Variants in DARS2 observed in about 807,000 individuals in gnomAD.
The protein encoded by DARS2 is aspartate--tRNA ligase, mitochondrial.
DARS2 carries 63 observed loss-of-function variants against 83.0 expected under a neutral mutation model. That is an observed-to-expected ratio of 0.76 (90% CI 0.62 to 0.94). The LOEUF (loss-of-function observed/expected upper bound fraction) is 0.94. Ranked by LOEUF, DARS2 falls within the 40% of genes least tolerant of loss-of-function variation. The pLI, the probability that DARS2 is intolerant of heterozygous loss-of-function variation, is 0.00. For missense variants in DARS2, 675 were observed against 774.4 expected, an observed-to-expected ratio of 0.87 and a Z score of 1.52; for synonymous variants, 250 against 269.3, an observed-to-expected ratio of 0.93 and a Z score of 0.70.
intron 10 of DARS2, 85 bp downstream of exon 10, chr1:173,839,631 CA>C: frequency 3.1e-6 from 4 of 1,285,872 alleles, no homozygotes; most frequent in Non-Finnish European, 4.5e-6. Context: ...AAGTGTTACA[CA>C]CTGTTAGATG....
chr1:173,830,110 GATAAA>G (rs1313027955), intron 3 of DARS2, among the ~76,000 whole-genome samples: 5 of 151,992 alleles, frequency 3.3e-5, no homozygotes, highest in South Asian at 2.1e-4. Flanking sequence ...TAAAGAATTA[GATAAA>G]ATAAAGAACT....
Position 173,850,511 on chromosome 1 carries a change from G to A in DARS2, c.1344+32G>A, listed in dbSNP as rs188278786. The A allele has an allele frequency of 1.9e-6, 3 of 1,603,326 alleles. 1 individual carries two copies. The highest frequency in any genetic ancestry group is 2.2e-5 in the South Asian group (2 of 90,148). ...AAAATTACTTCCAAGCATCAGTGCT[G>A]TTGATGCTGAACAATGCCTTACTCT... is the stretch of plus-strand genomic sequence containing the variant. On this transcript the variant is annotated intron_variant, in intron 13 of 16. Coordinates refer to ENST00000649689, the MANE Select transcript of DARS2 (RefSeq NM_018122.5).
rs930388919 is a variant in DARS2, at chr1:173,837,047, G to A, written c.770+1G>A. The A allele has an allele frequency of 6.2e-7, 1 of 1,612,762 alleles. No individual in the cohort carries two copies. Among genetic ancestry groups the A allele is most frequent in the Non-Finnish European group, 8.5e-7 (1 of 1,178,890 alleles). ...TTCTGATGGTTGGCGGTTTAGACAG[G>A]TGAGCTTTTTTTATGCTAGCAGTTG... On this transcript the variant is annotated splice_donor_variant, in intron 8 of 16. Transcript: ENST00000649689. LOFTEE classifies it high-confidence loss of function.
At chr1:173,856,540 A>T in intron 15 of DARS2, 126 bp from the exon 16 acceptor site, 1 of 780,834 alleles carries the variant, frequency 1.3e-6, no homozygotes, top group South Asian at 1.6e-5. Context: ...AACTTTTATT[A>T]TTGGTTAAGT....
At chr1:173,834,222 G>C (rs1443330655) in intron 6 of DARS2, among the ~76,000 whole-genome samples, 2 of 152,154 alleles carry the variant, frequency 1.3e-5, no homozygotes, top group Non-Finnish European at 2.9e-5. Context: ...TAGTTCAGTA[G>C]ACAAGAATCC....
intron 11 of DARS2, among the ~76,000 whole-genome samples, chr1:173,841,827 A>G (rs1257657201): frequency 6.6e-6 from 1 of 152,188 alleles, no homozygotes; most frequent in African/African-American, 2.4e-5. Flanking sequence ...AAATGATGCT[A>G]TGAAGTACTC....
At chr1:173,834,412 C>T in intron 6 of DARS2, 61 bp from the exon 7 acceptor site, 4 of 1,258,066 alleles carry the variant, frequency 3.2e-6, no homozygotes, top group Non-Finnish European at 1.2e-6. Context: ...ATATTGTGGA[C>T]ATCATATATG....
intron 13 of DARS2, among the ~76,000 whole-genome samples, chr1:173,851,264 A>AG (rs1553204486): frequency 1.6e-5 from 2 of 127,476 alleles, no homozygotes; most frequent in African/African-American, 2.7e-5. Flanking sequence ...AAAAAAAAAA[A>AG]GGGTTTTTTT....
In DARS2 at chr1:173,838,204, C is replaced by T. The variant is rs1281179187; in HGVS notation, c.785C>T (p.Ala262Val). The T allele has an allele frequency of 1.2e-6, 2 of 1,613,146 alleles. No homozygotes were observed. The highest frequency in any genetic ancestry group is 1.7e-5 in the Admixed American group (1 of 59,998). Residue 262 changes from alanine (A) to valine (V), a missense_variant, in exon 9 of 17, where the codon GCC (alanine) becomes GTC (valine). Transcript: ENST00000649689. ...VGGLDRYFQV[A>V]RCYRDEGSRP... Reference sequence around the variant, plus strand: ...CTCAATTGTAGATATTTTCAGGTTGCCCGATGTTATCGAGATGAAGGTTCA... The same window carrying T: ...CTCAATTGTAGATATTTTCAGGTTGTCCGATGTTATCGAGATGAAGGTTCA...
chr1:173,831,698 G>A, intron 5 of DARS2, 68 bp downstream of exon 5: 1 of 1,275,016 alleles, frequency 7.8e-7, no homozygotes, highest in East Asian at 2.3e-5. Flanking sequence ...AGTATTTTCA[G>A]AGTTTTTTAA....
At chr1:173,845,438 A>G (rs1234095163) in intron 12 of DARS2, 147 bp downstream of exon 12, 3 of 556,716 alleles carry the variant, frequency 5.4e-6, no homozygotes, top group African/African-American at 2.0e-5. Context: ...TTTTATTTAT[A>G]TATTTATTTT....
chr1:173,854,373 GAAAAGTAAATAATAATATT>G (rs1450374931), intron 15 of DARS2, among the ~76,000 whole-genome samples: 1 of 151,966 alleles, frequency 6.6e-6, no homozygotes, highest in African/African-American at 2.4e-5. Flanking sequence ...GTAGGACTTG[GAAAAGTAAATAATAATATT>G]AAAAGTAAAT....
At chr1:173,849,498 C>T (rs558799497) in intron 12 of DARS2, among the ~76,000 whole-genome samples, 11 of 148,814 alleles carry the variant, frequency 7.4e-5, no homozygotes, top group South Asian at 2.1e-4. Context: ...GGCCACTGCA[C>T]TCCAGCATGG....
chr1:173,828,285 T>TA (rs1366198610), intron 2 of DARS2, 48 bp from the exon 3 acceptor site: 1 of 1,590,268 alleles, frequency 6.3e-7, no homozygotes. Context: ...ACTTTGGACT[T>TA]AGAGATTTTA....
rs997776999 is a variant in DARS2 at position 173,853,267 on chromosome 1, C to T, written c.1345-82C>T. ...TGGCTAATCCTTTCCTAGAGAATGG[C>T]CTGGCTTCGGAATCCAGGCTGTGTC... is the stretch of plus-strand genomic sequence containing the variant. On this transcript the variant is annotated intron_variant, in intron 13 of 16. Transcript: ENST00000649689. 9.5e-6 allele frequency: 13 copies of T among 1,365,670 alleles called. No homozygotes were observed. In the Admixed American group the frequency reaches 2.2e-4, roughly 23 times the overall value. The allele number at this position is 1,365,670 out of a possible 1,614,324, so 84.6% of individuals were successfully genotyped here. A position where few individuals can be genotyped will look rare whatever the true frequency, so the allele number is the denominator to read the frequency against.
chr1:173,834,417 T>A (rs1652901477), intron 6 of DARS2, 56 bp from the exon 7 acceptor site: 1 of 1,329,106 alleles, frequency 7.5e-7, no homozygotes, highest in Non-Finnish European at 1.1e-6. Context: ...GTGGACATCA[T>A]ATATGACAAA....
intron 3 of DARS2, among the ~76,000 whole-genome samples, chr1:173,829,368 C>A (rs1652706728): frequency 6.6e-6 from 1 of 151,982 alleles, no homozygotes. Context: ...TCTTTTTGTA[C>A]CCCTTGAATT....
At chr1:173,849,498 C>CTCCA (rs1412702172) in intron 12 of DARS2, among the ~76,000 whole-genome samples, 2 of 148,702 alleles carry the variant, frequency 1.3e-5, no homozygotes, top group African/African-American at 5.0e-5. Context: ...GGCCACTGCA[C>CTCCA]TCCAGCATGG....
rs764081837 is a variant in DARS2 at position 173,856,720 on chromosome 1, C to G, written c.1729C>G (p.Pro577Ala). 3 of 1,613,988 alleles carry G rather than the reference C, an allele frequency of 1.9e-6. No individual in the cohort carries two copies. In the South Asian group the frequency reaches 3.3e-5, roughly 18 times the overall value. Residue 577 changes from proline to alanine, a missense_variant, in exon 16 of 17, where the codon CCT becomes GCT. Pro to Ala is a conservative substitution (Grantham distance 27, BLOSUM62 -1). Transcript: ENST00000649689. ...CCAGGCTTTAGATTATGGGGCACCC[C>G]CTCATGGAGGAATTGCCTTAGGTAA... is the stretch of plus-strand genomic sequence containing the variant. ...LLQALDYGAPPHGGIALGLDR... is the reference protein window; with the variant it reads ...LLQALDYGAPAHGGIALGLDR...
Sources: gnomAD v4.1 joint callset for allele counts (sites outside exome capture counted in the v4.1 genomes callset) on GRCh38, gnomAD v4.1.1 for gene constraint, MANE v1.5 for transcripts, NCBI Gene and HGNC (gene_info 2026-07-23, HGNC 2026-07-21) for gene names.